Variants in OSBPL1A observed in about 807,000 individuals in gnomAD.
OSBPL1A encodes the protein oxysterol binding protein like 1A.
In OSBPL1A, 80 loss-of-function variants were observed where a neutral mutation model predicts 137.1. The observed-to-expected ratio is 0.58, with a 90% confidence interval of 0.49 to 0.70. OSBPL1A has a LOEUF of 0.70. OSBPL1A is among the 30% of genes least tolerant of loss of function. The probability of loss-of-function intolerance (pLI) is 0.00; values close to 1 mark genes in which losing one functional copy is unlikely to be tolerated. For synonymous variants in OSBPL1A, 365 were observed against 389.7 expected (o/e 0.94, Z 0.75); for missense variants, 970 against 1,129.4 (o/e 0.86, Z 2.02).
chr18:24,248,597 T>C (rs1444257676), intron 15 of OSBPL1A, among the ~76,000 whole-genome samples: 2 of 152,240 alleles, frequency 1.3e-5, no homozygotes, highest in African/African-American at 2.4e-5. Flanking sequence ...AAAAATAGAA[T>C]GGCCTCAATG....
intron 16 of OSBPL1A, among the ~76,000 whole-genome samples, chr18:24,234,816 C>T: frequency 6.6e-6 from 1 of 151,064 alleles, no homozygotes; most frequent in Admixed American, 6.6e-5. Flanking sequence ...TTTTTCATAC[C>T]TTCTCAATAT....
chr18:24,220,057 C>T (rs946564104), intron 17 of OSBPL1A, among the ~76,000 whole-genome samples: 9 of 152,306 alleles, frequency 5.9e-5, no homozygotes, highest in East Asian at 3.9e-4. Flanking sequence ...GGATGTCACA[C>T]GTAATGAGTG....
intron 21 of OSBPL1A, among the ~76,000 whole-genome samples, chr18:24,175,102 G>GTATATATATA (rs2086390578): frequency 2.4e-5 from 2 of 83,612 alleles, no homozygotes; most frequent in East Asian, 3.1e-4. Flanking sequence ...TATTTGCCAT[G>GTATATATATA]TGTATGTATA....
intron 15 of OSBPL1A, among the ~76,000 whole-genome samples, chr18:24,247,810 TA>T (rs1297260993): frequency 6.6e-6 from 1 of 151,902 alleles, no homozygotes; most frequent in Non-Finnish European, 1.5e-5. Context: ...TTTTAAAAAC[TA>T]AAAAAAGAAT....
chr18:24,215,241 C>A lies in OSBPL1A; in HGVS notation c.1601+9801G>T, dbSNP rs74548736. On this transcript the variant is annotated intron_variant, in intron 17 of 27. Transcript: ENST00000319481. The stretch of plus-strand genomic sequence containing the variant: ...CTGCTGAGAAAGATTACACAATGTC[C>A]TAAAACACACAATCAGATCTGAAAT... Among the ~76,000 whole-genome samples the A allele has an allele frequency of 2.4e-3, 372 of 152,264 alleles. 9 individuals carry two copies. In the East Asian group the frequency reaches 0.051, roughly 21 times the overall value.
At chr18:24,255,096 C>CT (rs2089231249) in intron 15 of OSBPL1A, among the ~76,000 whole-genome samples, 1 of 152,000 alleles carries the variant, frequency 6.6e-6, no homozygotes, top group Non-Finnish European at 1.5e-5. Context: ...ATTGGAAAAT[C>CT]TAGAGGAAAT....
At chr18:24,392,578 T>G (rs1422023576) in intron 1 of OSBPL1A, among the ~76,000 whole-genome samples, 2 of 152,262 alleles carry the variant, frequency 1.3e-5, no homozygotes, top group African/African-American at 4.8e-5. Context: ...TTAAAATACA[T>G]TGTATGCTAG....
intron 5 of OSBPL1A, among the ~76,000 whole-genome samples, chr18:24,341,065 G>C (rs1214181280): frequency 6.6e-6 from 1 of 152,086 alleles, no homozygotes; most frequent in African/African-American, 2.4e-5. Flanking sequence ...GCTCAATCAG[G>C]GTTCATTGCA....
chr18:24,390,207 C>A (rs1907227449), intron 1 of OSBPL1A, among the ~76,000 whole-genome samples: 1 of 152,050 alleles, frequency 6.6e-6, no homozygotes, highest in Non-Finnish European at 1.5e-5. Context: ...TATGGGGGTT[C>A]CTCAAAAAAA....
Position 24,333,076 on chromosome 18 carries a change from G to C in OSBPL1A, c.491C>G (p.Pro164Arg). The change falls in exon 7 of 28, where the codon CCC becomes CGC. Residue 164 changes from proline (P) to arginine (R), a missense_variant. Around this residue, in one of 2 missense-constraint regions of OSBPL1A, gnomAD observed 647 missense variants for 672.6 expected, o/e 0.96. Transcript: ENST00000319481. Reference protein sequence around the residue: ...TTELTALLNRPNPPDVNCSDQ... With the variant: ...TTELTALLNRRNPPDVNCSDQ... ...CGAACAGTTAACATCAGGAGGATTG[G>C]GCCTGTTGAGCTAACAATTAAAAAA... 6.2e-7 allele frequency: 1 copy of C among 1,612,832 alleles called. No homozygotes were observed. Among genetic ancestry groups the C allele is most frequent in the South Asian group, 1.1e-5 (1 of 90,864 alleles).
At chr18:24,334,131 G>T in intron 6 of OSBPL1A, 114 bp downstream of exon 6, 1 of 725,538 alleles carries the variant, frequency 1.4e-6, no homozygotes, top group Non-Finnish European at 2.2e-6. Context: ...ATGATCTCTG[G>T]AGTTCTTGGT....
rs758614009 is a variant in OSBPL1A, at chr18:24,368,390, T to C, written c.122-18A>G. On this transcript the variant is annotated intron_variant, in intron 2 of 27. Transcript: ENST00000319481. ...ACTTCTTCCTAAAAATGGAAAAATA[T>C]AAGGTATTTTTAGGTCATATTTAGG... 1.0e-5 allele frequency: 16 copies of C among 1,574,392 alleles called. No homozygotes were observed. The South Asian group carries it at 1.8e-4, about 18-fold the overall frequency.
chr18:24,165,971 C>T (rs774737371), intron 26 of OSBPL1A, among the ~76,000 whole-genome samples: 6 of 152,132 alleles, frequency 3.9e-5, no homozygotes, highest in Non-Finnish European at 7.3e-5. Context: ...GTGGCACGTG[C>T]CTGTAGTCCC....
At chr18:24,211,024 G>A (rs748809303) in intron 17 of OSBPL1A, among the ~76,000 whole-genome samples, 12 of 152,038 alleles carry the variant, frequency 7.9e-5, no homozygotes, top group African/African-American at 2.2e-4. Context: ...GGAATGCCAC[G>A]GCATGATCTT....
intron 15 of OSBPL1A, among the ~76,000 whole-genome samples, chr18:24,261,485 C>T (rs1387250888): frequency 6.6e-6 from 1 of 152,134 alleles, no homozygotes; most frequent in Non-Finnish European, 1.5e-5. Context: ...AAAAAAACCA[C>T]TCATATATTG....
At position 24,165,068 on chromosome 18, in the gene OSBPL1A, G is replaced by A. The variant is rs373316133; in HGVS notation, c.2747C>T (p.Thr916Met). The A allele has an allele frequency of 1.4e-5, 22 of 1,613,944 alleles. No homozygotes were observed. In the East Asian group the frequency reaches 3.1e-4, roughly 23 times the overall value. The change falls in exon 27 of 28, where the codon ACG becomes ATG. Residue 916 changes from threonine (T) to methionine (M), a missense_variant. Physicochemically the swap from Thr to Met is moderately conservative, Grantham distance 81 (BLOSUM62 -1). Around this residue, in one of 2 missense-constraint regions of OSBPL1A, gnomAD observed 323 missense variants for 456.8 expected, o/e 0.71. Coordinates refer to ENST00000319481, the MANE Select transcript of OSBPL1A (RefSeq NM_080597.4). ...NRSKSEEDWK[T>M]RWFHQGPNPY... ...ACCCCCTGACTCAGGCACGCACCTCGTCTTCCAGTCCTCTTCTGACTTGGA... is the reference window on the plus strand; with the variant it reads ...ACCCCCTGACTCAGGCACGCACCTCATCTTCCAGTCCTCTTCTGACTTGGA...
At chr18:24,393,177 T>G (rs1016850200) in intron 1 of OSBPL1A, among the ~76,000 whole-genome samples, 8 of 152,260 alleles carry the variant, frequency 5.3e-5, no homozygotes, top group African/African-American at 1.9e-4. Flanking sequence ...CCTACATGTA[T>G]GTACATGTGT....
At chr18:24,235,143 T>C (rs2088424485) in intron 16 of OSBPL1A, among the ~76,000 whole-genome samples, 1 of 152,132 alleles carries the variant, frequency 6.6e-6, no homozygotes, top group African/African-American at 2.4e-5. Flanking sequence ...GATGATGTGA[T>C]TGTCAACAAA....
intron 20 of OSBPL1A, 64 bp downstream of exon 20, chr18:24,179,674 A>C (rs982009468): frequency 7.5e-7 from 1 of 1,326,234 alleles, no homozygotes; most frequent in Non-Finnish European, 1.1e-6. Flanking sequence ...GTGATGACCA[A>C]TATGTATGTA....
Sources: gnomAD v4.1 joint callset for allele counts (sites outside exome capture counted in the v4.1 genomes callset) on GRCh38, gnomAD v4.1.1 for gene constraint, gnomAD v4.1.1 regional missense constraint, MANE v1.5 for transcripts, NCBI Gene and HGNC (gene_info 2026-07-23, HGNC 2026-07-21) for gene names.